Variants in MALRD1 observed in about 807,000 individuals in gnomAD.
MALRD1 encodes MAM and LDL receptor class A domain containing 1.
MALRD1 carries 247 observed loss-of-function variants against 242.1 expected under a neutral mutation model. The observed-to-expected ratio is 1.02, with a 90% confidence interval of 0.92 to 1.13. The LOEUF (loss-of-function observed/expected upper bound fraction) is 1.13, where lower values mean the gene tolerates loss of function less well. Ranked by LOEUF, MALRD1 falls within the 50% of genes most tolerant of loss-of-function variation. The pLI is 0.00. For synonymous variants in MALRD1, 995 were observed against 866.6 expected, an observed-to-expected ratio of 1.15 and a Z score of -2.60; for missense variants, 2,989 against 2,533.1, an observed-to-expected ratio of 1.18 and a Z score of -3.86.
At chr10:19,387,492 G>A (rs1846133831) in intron 26 of MALRD1, 36 bp from the exon 27 acceptor site, 2 of 1,538,780 alleles carry the variant, frequency 1.3e-6, no homozygotes, top group African/African-American at 1.4e-5. Context: ...TGTTAGGAGT[G>A]TTCGCTCATT....
Position 19,136,749 on chromosome 10 carries a change from C to T in MALRD1, c.1379C>T (p.Ser460Phe). The change falls in exon 10 of 40, where the codon TCC becomes TTC. Residue 460 changes from serine to phenylalanine, a missense_variant. Physicochemically the swap from Ser to Phe is radical, Grantham distance 155. Transcript: ENST00000454679. ...ESVCDSRQDC[S>F]DESDEDPATC... is the part of the protein sequence containing the mutation. ...GTCTGTGACTCTCGGCAGGACTGCT[C>T]CGATGAGAGTGATGAAGACCCAGCA... The T allele has an allele frequency of 8.1e-7, 1 of 1,231,592 alleles. No homozygotes were observed. The highest frequency in any genetic ancestry group is 1.0e-6 in the Non-Finnish European group (1 of 987,934). The allele number at this position is 1,231,592 out of a possible 1,614,324, so 76.3% of individuals were successfully genotyped here.
intron 38 of MALRD1, among the ~76,000 whole-genome samples, chr10:19,703,431 C>G (rs577604793): frequency 1.9e-4 from 29 of 152,280 alleles, no homozygotes; most frequent in Middle Eastern, 3.4e-3. Context: ...AAGAAGTCAT[C>G]ATGAAAGATC....
chr10:19,534,715 C>T (rs948967422), intron 32 of MALRD1, among the ~76,000 whole-genome samples: 1 of 152,026 alleles, frequency 6.6e-6, no homozygotes, highest in African/African-American at 2.4e-5. Flanking sequence ...AACAGATATT[C>T]ATTGCTAGCT....
intron 28 of MALRD1, among the ~76,000 whole-genome samples, chr10:19,396,331 T>G (rs1351916096): frequency 2.0e-5 from 3 of 151,776 alleles, no homozygotes; most frequent in Non-Finnish European, 2.9e-5. Flanking sequence ...AAGACGGGGG[T>G]TTCACCATGT....
intron 36 of MALRD1, among the ~76,000 whole-genome samples, chr10:19,657,506 A>G (rs1168973187): frequency 2.0e-5 from 3 of 152,070 alleles, no homozygotes; most frequent in Non-Finnish European, 2.9e-5. Context: ...AATGACTACA[A>G]AGACAGTAAA....
chr10:19,103,941 A>G (rs751853301), intron 4 of MALRD1, 38 bp from the exon 5 acceptor site: 10 of 1,145,936 alleles, frequency 8.7e-6, no homozygotes, highest in Non-Finnish European at 9.9e-6. Flanking sequence ...TCCTTGCTTT[A>G]TGTTTTTGTT....
chr10:19,551,879 C>T (rs1019423636), intron 32 of MALRD1, among the ~76,000 whole-genome samples: 15 of 151,890 alleles, frequency 9.9e-5, no homozygotes, highest in Non-Finnish European at 1.2e-4. Flanking sequence ...TTTGTTTATG[C>T]GATGAATCAC....
chr10:19,515,402 G>A (rs1341851341), intron 31 of MALRD1, among the ~76,000 whole-genome samples: 1 of 151,966 alleles, frequency 6.6e-6, no homozygotes, highest in Non-Finnish European at 1.5e-5. Context: ...CAGAACATGT[G>A]TACTAACAGT....
At chr10:19,337,914 T>C (rs904574687) in intron 24 of MALRD1, among the ~76,000 whole-genome samples, 1 of 151,720 alleles carries the variant, frequency 6.6e-6, no homozygotes, top group African/African-American at 2.4e-5. Flanking sequence ...TACAAAAAAT[T>C]AGCTGGGCGT....
chr10:19,538,549 A>G (rs963161281), intron 32 of MALRD1, among the ~76,000 whole-genome samples: 7 of 152,108 alleles, frequency 4.6e-5, no homozygotes, highest in Non-Finnish European at 5.9e-5. Context: ...TTCCCATTAT[A>G]TTATTTAATT....
chr10:19,163,502 AG>A (rs1479112436), intron 12 of MALRD1, among the ~76,000 whole-genome samples: 1 of 147,872 alleles, frequency 6.8e-6, no homozygotes, highest in Non-Finnish European at 1.5e-5. Flanking sequence ...GGTCTACTTT[AG>A]GGGGGAGGGT....
chr10:19,479,417 C>T (rs1035740112), intron 29 of MALRD1, among the ~76,000 whole-genome samples: 26 of 152,074 alleles, frequency 1.7e-4, no homozygotes, highest in Admixed American at 3.9e-4. Flanking sequence ...GATGAGAGAA[C>T]GTATGGATTT....
At chr10:19,290,141 A>G (rs1215942677) in intron 21 of MALRD1, 3 of 152,216 alleles carry the variant, frequency 2.0e-5, no homozygotes, top group East Asian at 1.9e-4. Context: ...TGAAAATGAC[A>G]TGACTACCTG....
intron 18 of MALRD1, among the ~76,000 whole-genome samples, chr10:19,212,092 C>A (rs142280988): frequency 6.6e-6 from 1 of 152,190 alleles, no homozygotes; most frequent in East Asian, 1.9e-4. Context: ...TCAGTTCAAT[C>A]TTTTGATTTT....
chr10:19,539,897 T>TGTGTGTGTGTGTGTGC (rs1365113182), intron 32 of MALRD1, among the ~76,000 whole-genome samples: 16 of 44,422 alleles, frequency 3.6e-4, no homozygotes, highest in African/African-American at 1.1e-3. Context: ...TGTGTGTGTG[T>TGTGTGTGTGTGTGTGC]GCGCGCGCGC....
intron 18 of MALRD1, among the ~76,000 whole-genome samples, chr10:19,238,484 TATATATAATATATAATATA>T (rs1838555498): frequency 3.0e-4 from 6 of 19,770 alleles, no homozygotes; most frequent in African/African-American, 6.9e-4. Flanking sequence ...TAATATACAT[TATATATAATATATAATATA>T]ATATATAATG....
At chr10:19,688,022 C>G (rs530394829) in intron 36 of MALRD1, among the ~76,000 whole-genome samples, 1 of 151,734 alleles carries the variant, frequency 6.6e-6, no homozygotes, top group East Asian at 1.9e-4. Context: ...CAGGCTGGAG[C>G]GCAGTGGAGT....
intron 28 of MALRD1, among the ~76,000 whole-genome samples, chr10:19,441,662 A>C (rs141167366): frequency 0.096 from 14,594 of 151,960 alleles, 778 homozygotes; most frequent in East Asian, 0.21. Context: ...TATTATTTCT[A>C]AGGTTTCTGT....
intron 28 of MALRD1, among the ~76,000 whole-genome samples, chr10:19,402,436 T>C (rs770196372): frequency 1.3e-5 from 2 of 152,034 alleles, no homozygotes; most frequent in Non-Finnish European, 1.5e-5. Flanking sequence ...GATCCAGTGG[T>C]TTTATAAATC....
Sources: allele counts gnomAD v4.1 joint callset (sites outside exome capture counted in the v4.1 genomes callset), GRCh38; gene constraint gnomAD v4.1.1; transcripts MANE v1.5; gene names NCBI Gene and HGNC (gene_info 2026-07-23, HGNC 2026-07-21).